Variants in BMERB1 observed in about 807,000 individuals in gnomAD.
BMERB1 encodes bMERB domain containing 1, also known as bMERB domain-containing protein 1.
A neutral mutation model predicts 23.6 loss-of-function variants in BMERB1; 12 were observed. The ratio of observed to expected loss-of-function variants is 0.51; its 90% CI spans 0.33 to 0.82. The LOEUF is 0.82. Ranked by LOEUF, BMERB1 falls within the 40% of genes least tolerant of loss-of-function variation. The pLI, the probability that BMERB1 is intolerant of heterozygous loss-of-function variation, is 0.03. For missense variants in BMERB1, 247 were observed against 255.4 expected (o/e 0.97, Z 0.22); for synonymous variants, 122 against 96.6 (o/e 1.26, Z -1.54).
intron 1 of BMERB1, among the ~76,000 whole-genome samples, 195 bp downstream of exon 1, chr16:15,434,954 C>T (rs2050875462): frequency 6.6e-6 from 1 of 152,244 alleles, no homozygotes; most frequent in Non-Finnish European, 1.5e-5. Context: ...GGGGACCCTC[C>T]GGGCTGAGCC....
chr16:15,459,854 A>G (rs1307615984), intron 1 of BMERB1, among the ~76,000 whole-genome samples: 2 of 152,176 alleles, frequency 1.3e-5, no homozygotes, highest in Admixed American at 1.3e-4. Flanking sequence ...TTTTAGGTGT[A>G]GGGAAGATGT....
At chr16:15,484,730 G>A (rs548412997) in intron 1 of BMERB1, among the ~76,000 whole-genome samples, 8 of 152,260 alleles carry the variant, frequency 5.3e-5, no homozygotes, top group East Asian at 1.9e-4. Context: ...AAAAGAAGGC[G>A]AAATTCACAT....
chr16:15,443,553 CAAACAA>C (rs1045773840), intron 1 of BMERB1, among the ~76,000 whole-genome samples: 10 of 152,004 alleles, frequency 6.6e-5, no homozygotes, highest in South Asian at 4.2e-4. Context: ...AACAAACAAA[CAAACAA>C]AAACAAAAAC....
intron 2 of BMERB1, among the ~76,000 whole-genome samples, chr16:15,549,982 C>T (rs1260704354): frequency 3.3e-5 from 5 of 151,658 alleles, no homozygotes; most frequent in Admixed American, 3.3e-4. Context: ...TGCAGTCTTG[C>T]TCTGTCGCCC....
chr16:15,472,680 C>T (rs1284522378), intron 1 of BMERB1, among the ~76,000 whole-genome samples: 1 of 93,570 alleles, frequency 1.1e-5, no homozygotes, highest in African/African-American at 2.8e-5. Flanking sequence ...ATAATGTTTT[C>T]ATGTTCATTT....
At chr16:15,527,710 A>G (rs556658532) in intron 2 of BMERB1, among the ~76,000 whole-genome samples, 3 of 152,306 alleles carry the variant, frequency 2.0e-5, no homozygotes, top group Non-Finnish European at 2.9e-5. Flanking sequence ...GGGAAGGTAC[A>G]GTATCTGATA....
intron 1 of BMERB1, among the ~76,000 whole-genome samples, chr16:15,478,121 C>T (rs538607624): frequency 3.2e-3 from 480 of 152,124 alleles, no homozygotes; most frequent in Non-Finnish European, 5.4e-3. Flanking sequence ...AAATCCTTCT[C>T]GACATTCAAG....
chr16:15,461,229 T>C (rs1405235883), intron 1 of BMERB1, among the ~76,000 whole-genome samples: 1 of 151,936 alleles, frequency 6.6e-6, no homozygotes, highest in Non-Finnish European at 1.5e-5. Context: ...GACATTTTGC[T>C]GTGGGAGGAG....
At chr16:15,465,559 G>A (rs2051174169) in intron 1 of BMERB1, among the ~76,000 whole-genome samples, 1 of 151,950 alleles carries the variant, frequency 6.6e-6, no homozygotes, top group African/African-American at 2.4e-5. Context: ...CACCACGTTG[G>A]CCAGGCTGGT....
chr16:15,542,312 C>A lies in BMERB1; in HGVS notation c.231-25671C>A, dbSNP rs1484533213. ...ACTCCTGACCTCGTGATCTGCCGGCCTGGACCTCCCAAAGTGCTGTGATTA... is the reference window on the plus strand; with the variant it reads ...ACTCCTGACCTCGTGATCTGCCGGCATGGACCTCCCAAAGTGCTGTGATTA... On this transcript the variant is annotated intron_variant, in intron 2 of 5. Transcript: ENST00000300006. Among the ~76,000 whole-genome samples, 3 of 123,380 alleles carry A rather than the reference C, an allele frequency of 2.4e-5. No individual in the cohort carries two copies. The East Asian group carries it at 5.8e-4, about 24-fold the overall frequency. 80.9% of individuals were successfully genotyped at this position (123,380 alleles called of 152,430 possible). A position where few individuals can be genotyped will look rare whatever the true frequency, so the allele number is the denominator to read the frequency against.
chr16:15,461,809 C>T (rs1648312928), intron 1 of BMERB1, among the ~76,000 whole-genome samples: 1 of 152,044 alleles, frequency 6.6e-6, no homozygotes, highest in Admixed American at 6.6e-5. Context: ...TTGTGTGCAC[C>T]TGTAGTACCA....
At chr16:15,480,011 TAA>T (rs2051305818) in intron 1 of BMERB1, among the ~76,000 whole-genome samples, 1 of 147,090 alleles carries the variant, frequency 6.8e-6, no homozygotes, top group African/African-American at 2.5e-5. Flanking sequence ...TATATATATA[TAA>T]TATATATATA....
At chr16:15,529,102 G>A (rs2051941381) in intron 2 of BMERB1, among the ~76,000 whole-genome samples, 3 of 152,252 alleles carry the variant, frequency 2.0e-5, no homozygotes, top group African/African-American at 7.2e-5. Flanking sequence ...TTGGCTCACT[G>A]CAAGCTCTGC....
chr16:15,524,146 G>A (rs545760005), intron 2 of BMERB1, among the ~76,000 whole-genome samples: 1 of 152,162 alleles, frequency 6.6e-6, no homozygotes, highest in South Asian at 2.1e-4. Flanking sequence ...CCACATTCAG[G>A]AGCTCTGCGT....
intron 1 of BMERB1, among the ~76,000 whole-genome samples, chr16:15,472,234 T>C (rs2051234809): frequency 6.6e-6 from 1 of 152,256 alleles, no homozygotes; most frequent in Admixed American, 6.5e-5. Flanking sequence ...TATTCCACTG[T>C]TGTTGGGTGA....
chr16:15,551,228 T>C (rs1291673244), intron 2 of BMERB1, among the ~76,000 whole-genome samples: 1 of 152,202 alleles, frequency 6.6e-6, no homozygotes, highest in Non-Finnish European at 1.5e-5. Flanking sequence ...CTGCAGTCTT[T>C]AGGCCTTGTT....
rs2071332 is a variant in BMERB1, at chr16:15,586,785, C to T, written c.571C>T (p.Leu191=). The T allele has an allele frequency of 0.21, 338,110 of 1,611,096 alleles. 37,897 individuals are homozygous for T. Among genetic ancestry groups the T allele is most frequent in the Admixed American group, 0.37 (21,999 of 59,470 alleles). ...KPTVAKTGLA[L]IKDCCGATQC... ...CACGGTGGCCAAGACGGGGCTGGCA[C>T]TGATCAAGGATTGTTGCGGGGCCAC... The change falls in exon 6 of 6, where the codon CTG becomes TTG. Residue 191 remains leucine, a synonymous_variant. Transcript: ENST00000300006.
chr16:15,473,308 G>A lies in BMERB1; in HGVS notation c.106+38549G>A, dbSNP rs372791757. Among the ~76,000 whole-genome samples, 277 of 111,234 alleles carry A rather than the reference G, an allele frequency of 2.5e-3. 14 individuals carry two copies. In the South Asian group the frequency reaches 0.035, roughly 14 times the overall value. 73.0% of individuals were successfully genotyped at this position (111,234 alleles called of 152,430 possible). A position where few individuals can be genotyped will look rare whatever the true frequency, so the allele number is the denominator to read the frequency against. On this transcript the variant is annotated intron_variant, in intron 1 of 5. Coordinates refer to ENST00000300006, the MANE Select transcript of BMERB1 (RefSeq NM_033201.3). ...TAGCCTTTTTTTTTTTTTTTGAGTT[G>A]TAGCTTTGCTCTTGTTGCCCAGGCT... is the stretch of plus-strand genomic sequence containing the variant.
chr16:15,460,895 A>C (rs1406935944), intron 1 of BMERB1, among the ~76,000 whole-genome samples: 1 of 152,132 alleles, frequency 6.6e-6, no homozygotes, highest in Admixed American at 6.5e-5. Flanking sequence ...TTGAGAGGCC[A>C]AGGCAAGCAC....
Sources: gnomAD v4.1 joint callset for allele counts (sites outside exome capture counted in the v4.1 genomes callset) on GRCh38, gnomAD v4.1.1 for gene constraint, MANE v1.5 for transcripts, NCBI Gene and HGNC (gene_info 2026-07-23, HGNC 2026-07-21) for gene names.